UTRN: variants seen among roughly 807,000 people sequenced by gnomAD.
The protein encoded by UTRN is dystrophin-related protein 1.
Under a neutral mutation model 463.9 loss-of-function variants are expected in UTRN, and 283 were observed. That is an observed-to-expected ratio of 0.61 (90% confidence interval 0.55 to 0.67). The LOEUF is 0.67. Among genes scored for constraint, UTRN ranks in the 30% least tolerant of loss-of-function variants. The pLI is 0.00. For synonymous variants in UTRN, 1,442 were observed against 1,431.5 expected (o/e 1.01, Z -0.17); for missense variants, 3,922 against 4,084.3 (o/e 0.96, Z 1.08).
chr6:144,333,513 T>C (rs996008303), intron 2 of UTRN, among the ~76,000 whole-genome samples: 10 of 152,306 alleles, frequency 6.6e-5, no homozygotes, highest in African/African-American at 2.2e-4. Context: ...AATTCTCTTA[T>C]AATGCCAGGT....
chr6:144,568,079 C>T (rs1417365817), intron 50 of UTRN, among the ~76,000 whole-genome samples: 3 of 151,876 alleles, frequency 2.0e-5, no homozygotes, highest in African/African-American at 7.3e-5. Context: ...AAAAGCTAAG[C>T]GTTTACATTT....
At chr6:144,801,233 G>A (rs946180024) in intron 64 of UTRN, among the ~76,000 whole-genome samples, 3 of 152,000 alleles carry the variant, frequency 2.0e-5, no homozygotes, top group Non-Finnish European at 4.4e-5. Context: ...GTCCAGACTT[G>A]ATACCTGGTT....
Position 144,476,193 on chromosome 6 carries a change from A to G in UTRN, c.3336+1434A>G, listed in dbSNP as rs532475044. Among the ~76,000 whole-genome samples the G allele has an allele frequency of 3.3e-5, 5 of 150,644 alleles. No individual in the cohort carries two copies. The South Asian group carries it at 8.5e-4, about 26-fold the overall frequency. On this transcript the variant is annotated intron_variant, in intron 25 of 74. Coordinates refer to ENST00000367545, the MANE Select transcript of UTRN (RefSeq NM_007124.3). ...GGTCAGATGCTGCTGACCTCAAGCA[A>G]TCCTCCTGCCTCAGCCTCCCAAAGC...
At chr6:144,831,492 G>T (rs1780667955) in intron 69 of UTRN, among the ~76,000 whole-genome samples, 1 of 152,088 alleles carries the variant, frequency 6.6e-6, no homozygotes, top group Non-Finnish European at 1.5e-5. Context: ...ATGAACCCTA[G>T]GATGGGCATT....
At chr6:144,758,231 G>A in intron 58 of UTRN, 1 of 303,770 alleles carries the variant, frequency 3.3e-6, no homozygotes, top group Non-Finnish European at 6.0e-6. Context: ...TTAAATATTT[G>A]GAGACAGACA....
chr6:144,297,858 G>A (rs1028308850), intron 2 of UTRN, among the ~76,000 whole-genome samples: 33 of 152,246 alleles, frequency 2.2e-4, no homozygotes, highest in African/African-American at 7.2e-4. Context: ...ATCCATTCCC[G>A]ACTGGAAAAC....
At chr6:144,590,748 A>C (rs530236623) in intron 51 of UTRN, among the ~76,000 whole-genome samples, 1 of 152,008 alleles carries the variant, frequency 6.6e-6, no homozygotes, top group Non-Finnish European at 1.5e-5. Flanking sequence ...GCCACTTACC[A>C]GTTATGTAAC....
intron 56 of UTRN, among the ~76,000 whole-genome samples, chr6:144,752,631 G>A (rs1366293563): frequency 6.6e-6 from 1 of 152,118 alleles, no homozygotes; most frequent in Non-Finnish European, 1.5e-5. Flanking sequence ...TACAATCTTA[G>A]TCTTTGCAAA....
intron 62 of UTRN, 44 bp from the exon 63 acceptor site, chr6:144,793,790 A>C: frequency 1.3e-6 from 2 of 1,591,216 alleles, no homozygotes; most frequent in Non-Finnish European, 1.7e-6. Flanking sequence ...AAGTAAAAGA[A>C]CATGGTAGAC....
chr6:144,502,721 G>A (rs779997371), intron 34 of UTRN, among the ~76,000 whole-genome samples: 5 of 152,040 alleles, frequency 3.3e-5, no homozygotes, highest in African/African-American at 4.8e-5. Flanking sequence ...ATAAATATAC[G>A]TGGGCATGTC....
chr6:144,360,535 C>G (rs1192601128), intron 2 of UTRN, among the ~76,000 whole-genome samples: 1 of 152,118 alleles, frequency 6.6e-6, no homozygotes, highest in Non-Finnish European at 1.5e-5. Flanking sequence ...GCTATTGACC[C>G]CACTCCCTGC....
At position 144,692,066 on chromosome 6, in the gene UTRN, C is replaced by G. The variant is rs550293983; in HGVS notation, c.7653-8021C>G. Among the ~76,000 whole-genome samples the G allele has an allele frequency of 7.2e-5, 11 of 152,230 alleles. No individual in the cohort carries two copies. The South Asian group carries it at 2.3e-3, about 32-fold the overall frequency. ...CCATCTTCCATCCTCTGATAGGCCC[C>G]AGTGTTTGTTGGTCTCCTCTATGTA... is the stretch of plus-strand genomic sequence containing the variant. On this transcript the variant is annotated intron_variant, in intron 52 of 74. Transcript: ENST00000367545.
intron 2 of UTRN, among the ~76,000 whole-genome samples, chr6:144,349,505 A>G (rs979557160): frequency 1.3e-5 from 2 of 152,234 alleles, no homozygotes; most frequent in African/African-American, 4.8e-5. Context: ...AGTTCTTTGC[A>G]AGCTATAGTA....
At chr6:144,623,687 A>T (rs1775665541) in intron 51 of UTRN, among the ~76,000 whole-genome samples, 1 of 152,200 alleles carries the variant, frequency 6.6e-6, no homozygotes, top group Non-Finnish European at 1.5e-5. Context: ...TTTAATTTTA[A>T]TATTTCTAAT....
At chr6:144,287,942 G>A (rs1459766700) in intron 1 of UTRN, among the ~76,000 whole-genome samples, 3 of 152,226 alleles carry the variant, frequency 2.0e-5, no homozygotes, top group African/African-American at 4.8e-5. Context: ...CTTCTGTGAA[G>A]ATGGTGTTCC....
intron 45 of UTRN, among the ~76,000 whole-genome samples, chr6:144,542,433 T>C (rs1236805404): frequency 6.6e-6 from 1 of 151,972 alleles, no homozygotes; most frequent in Non-Finnish European, 1.5e-5. Flanking sequence ...ATATTGGTAT[T>C]TGATGGATGG....
In UTRN at chr6:144,493,924, AC is replaced by A. The variant is rs1333317591; in HGVS notation, c.4593+470del. On this transcript the variant is annotated intron_variant, in intron 33 of 74. Coordinates refer to ENST00000367545, the MANE Select transcript of UTRN (RefSeq NM_007124.3). ...AGGCTGAGGTGGGAGAGCTGCTTGA[AC>A]CTGAGAGGCAGAGGTTGCAGTGAGC... 2.6e-5 allele frequency among the ~76,000 whole-genome samples: 4 copies of A among 152,274 alleles called. No individual in the cohort carries two copies. In the East Asian group the frequency reaches 7.7e-4, roughly 29 times the overall value.
intron 34 of UTRN, among the ~76,000 whole-genome samples, chr6:144,503,089 G>C (rs960327530): frequency 6.6e-6 from 1 of 152,014 alleles, no homozygotes; most frequent in African/African-American, 2.4e-5. Flanking sequence ...CCTACTTTTT[G>C]ATGGAGTTGT....
chr6:144,756,466 A>C (rs1029788419), intron 57 of UTRN, among the ~76,000 whole-genome samples: 1 of 152,174 alleles, frequency 6.6e-6, no homozygotes, highest in Admixed American at 6.6e-5. Context: ...TCAAATCAAA[A>C]CAATTATTAA....
Sources: gnomAD v4.1 joint callset for allele counts (sites outside exome capture counted in the v4.1 genomes callset) on GRCh38, gnomAD v4.1.1 for gene constraint, MANE v1.5 for transcripts, NCBI Gene and HGNC (gene_info 2026-07-23, HGNC 2026-07-21) for gene names.